The following CARM1 variants were observed in gnomAD, a reference collection of about 807,000 sequenced individuals.
The protein encoded by CARM1 is histone-arginine methyltransferase CARM1.
CARM1 carries 14 observed loss-of-function variants against 72.7 expected under a neutral mutation model. That is an observed-to-expected ratio of 0.19 (90% CI 0.13 to 0.30). CARM1 has a LOEUF of 0.30. CARM1 is among the 10% of genes least tolerant of loss of function. The pLI is 1.00. For synonymous variants in CARM1, 333 were observed against 345.5 expected (o/e 0.96, Z 0.40); for missense variants, 432 against 833.7 (o/e 0.52, Z 5.93).
chr19:10,890,792 TA>T (rs1270786060), intron 1 of CARM1, among the ~76,000 whole-genome samples: 1,292 of 101,634 alleles, frequency 0.013, 26 homozygotes, highest in African/African-American at 0.028. Flanking sequence ...TATATATATA[TA>T]TATTTTTTTT....
intron 1 of CARM1, among the ~76,000 whole-genome samples, chr19:10,885,870 G>A (rs1462704098): frequency 6.8e-6 from 1 of 146,508 alleles, no homozygotes; most frequent in Non-Finnish European, 1.5e-5. Context: ...AGCCACAGCA[G>A]CCACAGCTCA....
Position 10,921,007 on chromosome 19 carries a change from G to GCCCCTCTGCCTCCAGCCCTGA in CARM1, c.1538-41_1538-21dup, listed in dbSNP as rs755012252. 8.7e-6 allele frequency: 14 copies of GCCCCTCTGCCTCCAGCCCTGA among 1,612,326 alleles called. No homozygotes were observed. In the African/African-American group the frequency reaches 1.3e-4, roughly 15 times the overall value. On this transcript the variant is annotated intron_variant, in intron 13 of 15. Transcript: ENST00000327064. ...GGAGGCCGCCCTCGCCGCAGGCCTGGCCCCTCTGCCTCCAGCCCTGACGTC... is the reference window on the plus strand; with the variant it reads ...GGAGGCCGCCCTCGCCGCAGGCCTGGCCCCTCTGCCTCCAGCCCTGACCCCTCTGCCTCCAGCCCTGACGTC...
At chr19:10,921,569 C>T in intron 15 of CARM1, 46 bp from the exon 16 acceptor site, 2 of 1,582,756 alleles carry the variant, frequency 1.3e-6, no homozygotes, top group Middle Eastern at 1.7e-4. Context: ...TGCCTGGGGG[C>T]TGGGCGGGCC....
At chr19:10,892,417 G>A (rs952932716) in intron 1 of CARM1, among the ~76,000 whole-genome samples, 3 of 152,230 alleles carry the variant, frequency 2.0e-5, no homozygotes, top group East Asian at 1.9e-4. Context: ...CCAGGGCTGC[G>A]CCAGAGGAGC....
Position 10,905,045 on chromosome 19 carries a change from C to T in CARM1, c.315C>T (p.Asn105=). ...CCTTCATCATCACCCTGGGCTGCAA[C>T]AGCGTCCTCATCCAGTTCGCCACAC... ...KQSFIITLGC[N]SVLIQFATPN... Residue 105 remains asparagine (N), a synonymous_variant, in exon 2 of 16, where the codon AAC becomes AAT. Transcript: ENST00000327064. 1.2e-6 allele frequency: 2 copies of T among 1,614,168 alleles called. No individual in the cohort carries two copies. Among genetic ancestry groups the T allele is most frequent in the South Asian group, 2.2e-5 (2 of 91,084 alleles).
At chr19:10,906,597 G>A (rs908240811) in intron 2 of CARM1, among the ~76,000 whole-genome samples, 1 of 152,088 alleles carries the variant, frequency 6.6e-6, no homozygotes, top group Non-Finnish European at 1.5e-5. Flanking sequence ...TGAGTAGCCG[G>A]GATTACAGGC....
intron 1 of CARM1, among the ~76,000 whole-genome samples, chr19:10,886,672 C>CA (rs1423096041): frequency 1.3e-5 from 2 of 151,726 alleles, no homozygotes; most frequent in Admixed American, 1.3e-4. Context: ...CTAAAAAATA[C>CA]AAAAAAAATT....
At chr19:10,919,298 C>G (rs2145245434) in intron 8 of CARM1, 1 of 344,444 alleles carries the variant, frequency 2.9e-6, no homozygotes, top group East Asian at 5.1e-5. Flanking sequence ...TGTGTCGCTA[C>G]CACGGACAAT....
At chr19:10,913,552 A>G (rs975436678) in intron 5 of CARM1, among the ~76,000 whole-genome samples, 3 of 151,902 alleles carry the variant, frequency 2.0e-5, no homozygotes, top group African/African-American at 7.2e-5. Context: ...AGAAAAAAAA[A>G]ATAGTTTTTT....
At chr19:10,889,187 G>T (rs1486596783) in intron 1 of CARM1, among the ~76,000 whole-genome samples, 1 of 152,136 alleles carries the variant, frequency 6.6e-6, no homozygotes, top group African/African-American at 2.4e-5. Flanking sequence ...AGTGCTTGGG[G>T]GCACCATGGA....
chr19:10,921,478 C>T, intron 15 of CARM1, 35 bp downstream of exon 15: 1 of 1,585,530 alleles, frequency 6.3e-7, no homozygotes, highest in South Asian at 1.1e-5. Context: ...CCCGTGGGGG[C>T]CGAGCTAGCG....
At chr19:10,906,422 C>T (rs765690169) in intron 2 of CARM1, among the ~76,000 whole-genome samples, 30 of 152,200 alleles carry the variant, frequency 2.0e-4, no homozygotes, top group Non-Finnish European at 3.8e-4. Context: ...CTGTCACTAC[C>T]GCCCATCTCC....
Position 10,921,985 on chromosome 19 carries a change from T to C in CARM1, c.*228T>C, listed in dbSNP as rs942699463. On this transcript the variant is annotated 3_prime_UTR_variant, in exon 16 of 16. Transcript: ENST00000327064. The stretch of plus-strand genomic sequence containing the variant: ...CGCTGCCATATTTTACACAAAATCA[T>C]GTTGTGGGAGCCCTCGTCCCCCCTC... The C allele has an allele frequency of 2.1e-6, 1 of 477,018 alleles. No homozygotes were observed. Among genetic ancestry groups the C allele is most frequent in the Non-Finnish European group, 3.7e-6 (1 of 268,906 alleles). 29.5% of individuals were successfully genotyped at this position (477,018 alleles called of 1,614,324 possible).
Position 10,921,749 on chromosome 19 carries a change from G to T in CARM1, c.1819G>T (p.Gly607Trp), listed in dbSNP as rs753002802. Reference sequence around the variant, plus strand: ...CATCCCGACCAACACCATGCACTACGGGAGCTAGGGGCCCGCCCCGCGGAC... The same window carrying T: ...CATCCCGACCAACACCATGCACTACTGGAGCTAGGGGCCCGCCCCGCGGAC... ...MSIPTNTMHY[G>W]S The change falls in exon 16 of 16, where the codon GGG becomes TGG. Residue 607 changes from glycine (G) to tryptophan (W), a missense_variant. Around this residue, in one of 3 missense-constraint regions of CARM1, gnomAD observed 142 missense variants for 188.7 expected, o/e 0.75. Coordinates refer to ENST00000327064, the MANE Select transcript of CARM1 (RefSeq NM_199141.2). 1 of 1,596,668 alleles carries T rather than the reference G, an allele frequency of 6.3e-7. No homozygotes were observed. Among genetic ancestry groups the T allele is most frequent in the African/African-American group, 1.3e-5 (1 of 74,608 alleles).
At chr19:10,886,033 C>A (rs1242294844) in intron 1 of CARM1, among the ~76,000 whole-genome samples, 2 of 149,990 alleles carry the variant, frequency 1.3e-5, no homozygotes, top group Non-Finnish European at 3.0e-5. Context: ...CCACACCTGG[C>A]TAATTTTTTT....
chr19:10,903,360 T>C (rs2074079834), intron 1 of CARM1, among the ~76,000 whole-genome samples: 1 of 152,180 alleles, frequency 6.6e-6, no homozygotes, highest in Non-Finnish European at 1.5e-5. Context: ...TGAGAACACT[T>C]TGCCATATTT....
Position 10,912,326 on chromosome 19 carries a change from G to T in CARM1, c.669+32G>T, listed in dbSNP as rs372067981. The T allele has an allele frequency of 2.6e-6, 4 of 1,526,690 alleles. No homozygotes were observed. The Admixed American group carries it at 5.0e-5, about 19-fold the overall frequency. The allele number at this position is 1,526,690 out of a possible 1,614,324, so 94.6% of individuals were successfully genotyped here. On this transcript the variant is annotated intron_variant, in intron 5 of 15. Transcript: ENST00000327064. The surrounding 1 kb of genome is among the most constrained non-coding windows in gnomAD (Gnocchi z 4.5). ...GGCCCGCTGGTGCCCACCCAGCCTCGTCCTCGCCCATGAGTGCCATGCCGG... is the reference window on the plus strand; with the variant it reads ...GGCCCGCTGGTGCCCACCCAGCCTCTTCCTCGCCCATGAGTGCCATGCCGG...
chr19:10,921,552 G>T, intron 15 of CARM1, 63 bp from the exon 16 acceptor site: 2 of 1,576,464 alleles, frequency 1.3e-6, no homozygotes, highest in Middle Eastern at 1.7e-4. Flanking sequence ...CTCTCTCTCT[G>T]TGACTCTGCC....
chr19:10,912,300 T>C lies in CARM1; in HGVS notation c.669+6T>C. 6 of 1,603,364 alleles carry C rather than the reference T, an allele frequency of 3.7e-6. No homozygotes were observed. The highest frequency in any genetic ancestry group is 5.1e-6 in the Non-Finnish European group (6 of 1,170,570). ...CCATGGCCCAGCACGCTGAGGTCAG[T>C]GGCCCGCTGGTGCCCACCCAGCCTC... On this transcript the variant is annotated splice_donor_region_variant and intron_variant, in intron 5 of 15. Transcript: ENST00000327064. This position sits in a 1 kb window ranked among gnomAD's most constrained non-coding sequence, Gnocchi z 4.5.
Sources: allele counts gnomAD v4.1 joint callset (sites outside exome capture counted in the v4.1 genomes callset), GRCh38; gene constraint gnomAD v4.1.1; regional missense constraint gnomAD v4.1.1; non-coding constraint Gnocchi (gnomAD v3.1); transcripts MANE v1.5; gene names NCBI Gene and HGNC (gene_info 2026-07-23, HGNC 2026-07-21).